Variants in WTIP observed in about 807,000 individuals in gnomAD.
WTIP encodes the protein Wilms tumor protein 1-interacting protein.
A neutral mutation model predicts 41.7 loss-of-function variants in WTIP; 23 were observed. The ratio of observed to expected loss-of-function variants is 0.55; its 90% confidence interval spans 0.40 to 0.78. WTIP has a LOEUF of 0.78. Ranked by LOEUF, WTIP falls within the 30% of genes least tolerant of loss-of-function variation. The probability of loss-of-function intolerance (pLI) is 0.00; values close to 1 mark genes in which losing one functional copy is unlikely to be tolerated. For synonymous variants in WTIP, 314 were observed against 269.9 expected, an observed-to-expected ratio of 1.16 and a Z score of -1.60; for missense variants, 619 against 610.5, an observed-to-expected ratio of 1.01 and a Z score of -0.15.
rs35198618 is a variant in WTIP at position 34,502,421 on chromosome 19, ATTTT to A, written c.*2169_*2172del. Reference sequence around the variant, plus strand: ...CAGGTGTGCCCCATGACGCCCAGCTATTTTTTTTTTTTTTTTTTTTAAAGACAGA... The same window carrying A: ...CAGGTGTGCCCCATGACGCCCAGCTATTTTTTTTTTTTTTTTAAAGACAGA... On this transcript the variant is annotated 3_prime_UTR_variant, in exon 8 of 8. Transcript: ENST00000590071. The A allele has an allele frequency of 0.068, 8,121 of 119,058 alleles. 372 individuals are homozygous for A. The highest frequency in any genetic ancestry group is 0.18 in the Admixed American group (2,151 of 11,924). The allele number at this position is 119,058 out of a possible 1,614,324, so 7.4% of individuals were successfully genotyped here. A position where few individuals can be genotyped will look rare whatever the true frequency, so the allele number is the denominator to read the frequency against.
intron 5 of WTIP, 73 bp from the exon 6 acceptor site, chr19:34,494,513 G>A: frequency 6.7e-7 from 1 of 1,485,118 alleles, no homozygotes; most frequent in Non-Finnish European, 9.3e-7. Flanking sequence ...GGGTTCCTGT[G>A]GGTGCCCCTG....
chr19:34,491,528 T>G (rs1325204286), intron 2 of WTIP, among the ~76,000 whole-genome samples: 2 of 151,830 alleles, frequency 1.3e-5, no homozygotes, highest in Non-Finnish European at 2.9e-5. Context: ...TTTCACCATG[T>G]GGCCAGGATG....
chr19:34,500,349 A>G lies in WTIP; in HGVS notation c.*80A>G. On this transcript the variant is annotated 3_prime_UTR_variant, in exon 8 of 8. Coordinates refer to ENST00000590071, the MANE Select transcript of WTIP (RefSeq NM_001080436.2). ...CGCGTGGGTGGCCCTGGTCAGCGTC[A>G]GGGGAGCTCCCTCCAATCAGTTTCC... The G allele has an allele frequency of 1.4e-6, 2 of 1,426,084 alleles. No individual in the cohort carries two copies. The highest frequency in any genetic ancestry group is 1.8e-6 in the Non-Finnish European group (2 of 1,083,444). The allele number at this position is 1,426,084 out of a possible 1,614,324, so 88.3% of individuals were successfully genotyped here.
At chr19:34,489,757 C>G (rs544616444) in intron 1 of WTIP, among the ~76,000 whole-genome samples, 1 of 152,202 alleles carries the variant, frequency 6.6e-6, no homozygotes, top group South Asian at 2.1e-4. Flanking sequence ...GGCAACACAG[C>G]AATACCCTGT....
At chr19:34,483,713 T>G (rs1225849167) in intron 1 of WTIP, among the ~76,000 whole-genome samples, 2 of 152,172 alleles carry the variant, frequency 1.3e-5, no homozygotes, top group African/African-American at 4.8e-5. Flanking sequence ...TCTCTAGTTC[T>G]TGGGACAGCT....
At position 34,493,430 on chromosome 19, in the gene WTIP, C is replaced by T; in HGVS notation, c.901-62C>T. On this transcript the variant is annotated intron_variant, in intron 4 of 7. Coordinates refer to ENST00000590071, the MANE Select transcript of WTIP (RefSeq NM_001080436.2). This position sits in a 1 kb window ranked among gnomAD's most constrained non-coding sequence, Gnocchi z 4.1. ...CCTGCCAGGGGTTCAGGGCCAGAGCCTCTCCCAGGGCGGTGCTGAGCCTCC... is the reference window on the plus strand; with the variant it reads ...CCTGCCAGGGGTTCAGGGCCAGAGCTTCTCCCAGGGCGGTGCTGAGCCTCC... 1 of 1,601,862 alleles carries T rather than the reference C, an allele frequency of 6.2e-7. No homozygotes were observed.
intron 7 of WTIP, among the ~76,000 whole-genome samples, chr19:34,496,777 C>T (rs1056484916): frequency 6.6e-6 from 1 of 151,998 alleles, no homozygotes; most frequent in East Asian, 1.9e-4. Context: ...TGGAGATGTC[C>T]AGTAGACCTG....
At chr19:34,486,724 A>G (rs965577276) in intron 1 of WTIP, among the ~76,000 whole-genome samples, 21 of 151,192 alleles carry the variant, frequency 1.4e-4, no homozygotes, top group African/African-American at 5.1e-4. Context: ...TGGGACCCCT[A>G]CCTTTGCTTC....
rs1329139734 is a variant in WTIP at position 34,490,463 on chromosome 19, C to T, written c.755C>T (p.Thr252Ile). The T allele has an allele frequency of 6.2e-7, 1 of 1,613,938 alleles. No homozygotes were observed. Among genetic ancestry groups the T allele is most frequent in the South Asian group, 1.1e-5 (1 of 91,076 alleles). The stretch of plus-strand genomic sequence containing the variant: ...AGTCTTTATCACACTGACTGCTTCA[C>T]CTGCGACTCGTGTGGTAGGTAACCT... ...MGSLYHTDCF[T>I]CDSCGRRLRG... is the part of the protein sequence containing the mutation. Residue 252 changes from threonine (T) to isoleucine (I), a missense_variant, in exon 2 of 8, where the codon ACC becomes ATC. Around this residue, in one of 3 missense-constraint regions of WTIP, gnomAD observed 164 missense variants for 219.1 expected, o/e 0.75. Transcript: ENST00000590071.
chr19:34,488,900 TAA>T (rs34016783), intron 1 of WTIP, among the ~76,000 whole-genome samples: 6 of 124,614 alleles, frequency 4.8e-5, no homozygotes. Context: ...GAGACTCTCC[TAA>T]AAAAAAAAAA....
chr19:34,484,628 C>G (rs1201047483), intron 1 of WTIP, among the ~76,000 whole-genome samples: 1 of 152,054 alleles, frequency 6.6e-6, no homozygotes, highest in Non-Finnish European at 1.5e-5. Flanking sequence ...ATTTCCCGGC[C>G]CCTGTGTACT....
chr19:34,484,169 C>T (rs2075785541), intron 1 of WTIP, among the ~76,000 whole-genome samples: 1 of 152,054 alleles, frequency 6.6e-6, no homozygotes, highest in Non-Finnish European at 1.5e-5. Context: ...TCATGATCCG[C>T]CTGCCTCAGC....
Position 34,482,014 on chromosome 19 carries a change from C to G in WTIP, c.40C>G (p.Leu14Val), listed in dbSNP as rs1352456521. ...SRAGADEAAL[L>V]LAGLALRELE... ...GGCGGGCGCGGACGAGGCGGCCCTA[C>G]TCCTGGCCGGGCTGGCCCTGCGGGA... is the stretch of plus-strand genomic sequence containing the variant. The change falls in exon 1 of 8, where the codon CTC (leucine) becomes GTC (valine). Residue 14 changes from leucine to valine, a missense_variant. Leu to Val is a conservative substitution (Grantham distance 32). Transcript: ENST00000590071. 3.9e-6 allele frequency: 4 copies of G among 1,022,202 alleles called. No individual in the cohort carries two copies. Among genetic ancestry groups the G allele is most frequent in the Non-Finnish European group, 4.7e-6 (4 of 855,330 alleles). The allele number at this position is 1,022,202 out of a possible 1,614,324, so 63.3% of individuals were successfully genotyped here. A position where few individuals can be genotyped will look rare whatever the true frequency, so the allele number is the denominator to read the frequency against.
chr19:34,500,378 C>G lies in WTIP; in HGVS notation c.*109C>G. ...GAGCTCCCTCCAATCAGTTTCCCAC[C>G]GAGCTGCTGTCTGCAGGGGCCGGAC... On this transcript the variant is annotated 3_prime_UTR_variant, in exon 8 of 8. Coordinates refer to ENST00000590071, the MANE Select transcript of WTIP (RefSeq NM_001080436.2). The G allele has an allele frequency of 7.3e-7, 1 of 1,366,676 alleles. No individual in the cohort carries two copies. Among genetic ancestry groups the G allele is most frequent in the Non-Finnish European group, 9.6e-7 (1 of 1,041,254 alleles). The allele number at this position is 1,366,676 out of a possible 1,614,324, so 84.7% of individuals were successfully genotyped here. A position where few individuals can be genotyped will look rare whatever the true frequency, so the allele number is the denominator to read the frequency against.
At chr19:34,484,300 G>A (rs1158049560) in intron 1 of WTIP, among the ~76,000 whole-genome samples, 1 of 152,180 alleles carries the variant, frequency 6.6e-6, no homozygotes, top group Non-Finnish European at 1.5e-5. Context: ...AGGGAAGAAT[G>A]AGCAGAGGAG....
chr19:34,495,303 AG>A, intron 6 of WTIP, among the ~76,000 whole-genome samples: 1 of 152,258 alleles, frequency 6.6e-6, no homozygotes, highest in South Asian at 2.1e-4. Context: ...AGGCTAAGGC[AG>A]GAGGATTGCT....
chr19:34,495,592 G>A (rs544686357), intron 6 of WTIP, 111 bp from the exon 7 acceptor site: 30 of 1,208,130 alleles, frequency 2.5e-5, no homozygotes, highest in East Asian at 1.5e-4. Context: ...TCCCCGGGGC[G>A]GGCGTGCACC....
chr19:34,503,080 G>A lies in WTIP; in HGVS notation c.*2811G>A. ...TCACCATGCACGCTCCTGCCAGCTG[G>A]CCTGAGTCATCACAGCTTGGAGTCC... On this transcript the variant is annotated 3_prime_UTR_variant, in exon 8 of 8. Transcript: ENST00000590071. 1 of 153,262 alleles carries A rather than the reference G, an allele frequency of 6.5e-6. No homozygotes were observed. 9.5% of individuals were successfully genotyped at this position (153,262 alleles called of 1,614,324 possible). A position where few individuals can be genotyped will look rare whatever the true frequency, so the allele number is the denominator to read the frequency against.
intron 7 of WTIP, among the ~76,000 whole-genome samples, chr19:34,499,465 G>A (rs1159989495): frequency 6.6e-6 from 1 of 150,574 alleles, no homozygotes; most frequent in Admixed American, 6.6e-5. Flanking sequence ...CTGGGATCCA[G>A]ACACTGCATT....
Sources: gnomAD v4.1 joint callset for allele counts (sites outside exome capture counted in the v4.1 genomes callset) on GRCh38, gnomAD v4.1.1 for gene constraint, gnomAD v4.1.1 regional missense constraint, Gnocchi (gnomAD v3.1) non-coding constraint, MANE v1.5 for transcripts, NCBI Gene and HGNC (gene_info 2026-07-23, HGNC 2026-07-21) for gene names.